The following WDR64 variants were observed in gnomAD, a reference collection of about 807,000 sequenced individuals.
The protein encoded by WDR64 is WD repeat domain 64.
WDR64 carries 112 observed loss-of-function variants against 139.3 expected under a neutral mutation model. That is an observed-to-expected ratio of 0.80 (90% CI 0.69 to 0.94). The LOEUF is 0.94. WDR64 is among the 40% of genes least tolerant of loss of function. The pLI is 0.00. For synonymous variants in WDR64, 444 were observed against 437.7 expected (o/e 1.01, Z -0.18); for missense variants, 1,206 against 1,293.1 (o/e 0.93, Z 1.03).
intron 27 of WDR64, among the ~76,000 whole-genome samples, chr1:241,797,607 T>C (rs1659404919): frequency 6.6e-6 from 1 of 152,238 alleles, no homozygotes; most frequent in Admixed American, 6.5e-5. Flanking sequence ...GCCATAATAA[T>C]GTTAGCTTGT....
chr1:241,673,144 A>C (rs1012910883), intron 3 of WDR64, among the ~76,000 whole-genome samples: 2 of 145,444 alleles, frequency 1.4e-5, no homozygotes, highest in African/African-American at 5.0e-5. Flanking sequence ...CAATGAGGAC[A>C]CATGGACACA....
At chr1:241,776,421 A>G (rs1372749583) in intron 21 of WDR64, among the ~76,000 whole-genome samples, 1 of 152,152 alleles carries the variant, frequency 6.6e-6, no homozygotes, top group African/African-American at 2.4e-5. Context: ...ACCATTTCGT[A>G]CTGTCAATTG....
At chr1:241,798,916 A>G (rs1659441166) in intron 27 of WDR64, among the ~76,000 whole-genome samples, 1 of 152,148 alleles carries the variant, frequency 6.6e-6, no homozygotes, top group South Asian at 2.1e-4. Context: ...ATGAGTTTGT[A>G]TTTCCTTTTC....
At chr1:241,794,759 G>A (rs138062555) in intron 25 of WDR64, among the ~76,000 whole-genome samples, 4 of 151,886 alleles carry the variant, frequency 2.6e-5, no homozygotes, top group South Asian at 4.2e-4. Context: ...TGCCCGCCTC[G>A]GCCTCTGAAA....
chr1:241,746,581 A>T (rs566694669), intron 13 of WDR64, among the ~76,000 whole-genome samples: 11,700 of 151,684 alleles, frequency 0.077, 1,530 homozygotes, highest in African/African-American at 0.27. Flanking sequence ...GAAAAAAAAA[A>T]AATTTTCAAC....
chr1:241,757,368 A>G lies in WDR64; in HGVS notation c.1856A>G (p.His619Arg). The G allele has an allele frequency of 1.2e-6, 2 of 1,614,154 alleles. No individual in the cohort carries two copies. The highest frequency in any genetic ancestry group is 1.7e-6 in the Non-Finnish European group (2 of 1,180,000). The change falls in exon 15 of 28, where the codon CAT (histidine) becomes CGT (arginine). Residue 619 changes from histidine to arginine, a missense_variant. Coordinates refer to ENST00000437684, the MANE Select transcript of WDR64 (RefSeq NM_001367482.1). ...CTACAAGATGGGAAACATGCTGTGC[A>G]TCTGAGAATGTCTACTAGAGACAGG... Reference protein sequence around the residue: ...PFLQDGKHAVHLRMSTRDRNM... With the variant: ...PFLQDGKHAVRLRMSTRDRNM...
chr1:241,682,275 C>T lies in WDR64; in HGVS notation c.625-1212C>T, dbSNP rs545781671. ...TAGTTTCAGGTCTTAGATTTAAGTC[C>T]TTGATCCATCTTGAGTTGATTTTTG... On this transcript the variant is annotated intron_variant, in intron 6 of 27. Coordinates refer to ENST00000437684, the MANE Select transcript of WDR64 (RefSeq NM_001367482.1). 1.1e-3 allele frequency among the ~76,000 whole-genome samples: 172 copies of T among 152,194 alleles called. 3 individuals carry two copies. The East Asian group carries it at 0.029, about 26-fold the overall frequency.
intron 1 of WDR64, among the ~76,000 whole-genome samples, chr1:241,657,022 T>C (rs1308408885): frequency 2.6e-5 from 4 of 151,948 alleles, no homozygotes; most frequent in African/African-American, 9.7e-5. Context: ...TCCAACCCAC[T>C]AGCATATCTT....
intron 20 of WDR64, 98 bp from the exon 21 acceptor site, chr1:241,775,007 G>C: frequency 1.1e-6 from 1 of 906,034 alleles, no homozygotes; most frequent in Non-Finnish European, 1.7e-6. Flanking sequence ...GATAATTCTT[G>C]AGATGCATTA....
intron 15 of WDR64, among the ~76,000 whole-genome samples, chr1:241,762,169 G>A (rs1044450620): frequency 6.6e-6 from 1 of 151,854 alleles, no homozygotes; most frequent in African/African-American, 2.4e-5. Context: ...AAGACTTGAA[G>A]GTCAAAATTT....
chr1:241,754,643 C>T (rs972592527), intron 14 of WDR64, among the ~76,000 whole-genome samples: 1 of 152,020 alleles, frequency 6.6e-6, no homozygotes, highest in Non-Finnish European at 1.5e-5. Context: ...CACAGGTATA[C>T]ACGTGCCATG....
At chr1:241,711,660 T>A in intron 8 of WDR64, 142 bp from the exon 9 acceptor site, 2 of 722,346 alleles carry the variant, frequency 2.8e-6, no homozygotes, top group Non-Finnish European at 4.7e-6. Flanking sequence ...TACGACTTAA[T>A]CATTACTTGT....
At chr1:241,664,461 G>A (rs10926529) in intron 2 of WDR64, among the ~76,000 whole-genome samples, 77,994 of 152,088 alleles carry the variant, frequency 0.51, 21,233 homozygotes, top group Non-Finnish European at 0.62. Context: ...GAAAAGCAAC[G>A]CTCTAAAGAT....
intron 13 of WDR64, among the ~76,000 whole-genome samples, chr1:241,748,888 C>T (rs1408761693): frequency 6.7e-6 from 1 of 150,094 alleles, no homozygotes; most frequent in African/African-American, 2.5e-5. Context: ...TGCAGTGAGC[C>T]GAGATCGCCA....
At chr1:241,705,573 A>ATAATAATAG (rs1292476687) in intron 8 of WDR64, among the ~76,000 whole-genome samples, 8 of 147,030 alleles carry the variant, frequency 5.4e-5, no homozygotes, top group African/African-American at 2.0e-4. Flanking sequence ...AATAATAATA[A>ATAATAATAG]TAATAATAAT....
intron 20 of WDR64, among the ~76,000 whole-genome samples, chr1:241,773,586 G>A (rs546570530): frequency 1.8e-4 from 27 of 152,162 alleles, no homozygotes; most frequent in African/African-American, 5.5e-4. Flanking sequence ...CTTCTGCCTC[G>A]GCCTTCGAGT....
chr1:241,725,971 T>A (rs1409518436), intron 10 of WDR64, among the ~76,000 whole-genome samples: 1 of 152,028 alleles, frequency 6.6e-6, no homozygotes, highest in African/African-American at 2.4e-5. Flanking sequence ...CACCTCAGCC[T>A]CCCCAGTAGC....
At chr1:241,720,756 C>G (rs1439211915) in intron 9 of WDR64, among the ~76,000 whole-genome samples, 1 of 151,976 alleles carries the variant, frequency 6.6e-6, no homozygotes, top group Non-Finnish European at 1.5e-5. Context: ...GGTTGTCTGT[C>G]CACTCTGATG....
chr1:241,801,376 G>A lies in WDR64; in HGVS notation c.*161G>A. The A allele has an allele frequency of 1.7e-6, 1 of 601,982 alleles. No individual in the cohort carries two copies. Among genetic ancestry groups the A allele is most frequent in the African/African-American group, 1.8e-5 (1 of 54,446 alleles). 37.3% of individuals were successfully genotyped at this position (601,982 alleles called of 1,614,324 possible). A position where few individuals can be genotyped will look rare whatever the true frequency, so the allele number is the denominator to read the frequency against. On this transcript the variant is annotated 3_prime_UTR_variant, in exon 28 of 28. Transcript: ENST00000437684. ...GAAAGATTGCTTAGGGAGTTCTGGTGACCTTAACTCTGAATACCAAGCAAG... is the reference window on the plus strand; with the variant it reads ...GAAAGATTGCTTAGGGAGTTCTGGTAACCTTAACTCTGAATACCAAGCAAG...
Sources: allele counts gnomAD v4.1 joint callset (sites outside exome capture counted in the v4.1 genomes callset), GRCh38; gene constraint gnomAD v4.1.1; transcripts MANE v1.5; gene names NCBI Gene and HGNC (gene_info 2026-07-23, HGNC 2026-07-21).